Variants in MTMR7 observed in about 807,000 individuals in gnomAD.
The protein encoded by MTMR7 is myotubularin related protein 7, also known as phosphatidylinositol-3-phosphate phosphatase MTMR7.
A neutral mutation model predicts 81.2 loss-of-function variants in MTMR7; 76 were observed. The ratio of observed to expected loss-of-function variants is 0.94; its 90% CI spans 0.78 to 1.13. MTMR7 has a LOEUF of 1.13. Among genes scored for constraint, MTMR7 ranks in the 50% most tolerant of loss-of-function variants. The pLI is 0.00. For synonymous variants in MTMR7, 372 were observed against 289.8 expected (o/e 1.28, Z -2.88); for missense variants, 1,044 against 820.0 (o/e 1.27, Z -3.34).
At chr8:17,400,059 C>A (rs1474136736) in intron 1 of MTMR7, among the ~76,000 whole-genome samples, 1 of 151,980 alleles carries the variant, frequency 6.6e-6, no homozygotes, top group African/African-American at 2.4e-5. Context: ...CAGAGGAATA[C>A]CCTTTAAAAA....
intron 7 of MTMR7, among the ~76,000 whole-genome samples, chr8:17,315,529 G>T (rs1818020368): frequency 6.6e-6 from 1 of 152,202 alleles, no homozygotes; most frequent in African/African-American, 2.4e-5. Context: ...CTCCGTCGGG[G>T]ATGTGAATAA....
chr8:17,360,113 C>A (rs2410519), intron 4 of MTMR7, among the ~76,000 whole-genome samples: 33,956 of 151,940 alleles, frequency 0.22, 4,846 homozygotes, highest in African/African-American at 0.4. Flanking sequence ...CAGTGTTTTA[C>A]AAATATAATT....
chr8:17,319,757 AGGCTCCAGTCT>A (rs948544337), intron 7 of MTMR7, among the ~76,000 whole-genome samples: 59 of 152,302 alleles, frequency 3.9e-4, no homozygotes, highest in African/African-American at 9.4e-4. Flanking sequence ...TGGTGAGACG[AGGCTCCAGTCT>A]GGCTCCAGTC....
intron 7 of MTMR7, among the ~76,000 whole-genome samples, chr8:17,327,983 G>T (rs571216285): frequency 1.2e-4 from 18 of 152,348 alleles, no homozygotes; most frequent in African/African-American, 4.3e-4. Flanking sequence ...CTTATGAAGT[G>T]TGGCAAAGAG....
At chr8:17,378,333 T>C (rs970687441) in intron 1 of MTMR7, among the ~76,000 whole-genome samples, 1 of 152,214 alleles carries the variant, frequency 6.6e-6, no homozygotes, top group Non-Finnish European at 1.5e-5. Flanking sequence ...AGAAACGTTA[T>C]GAAGTCAGAA....
rs558607330 is a variant in MTMR7 at position 17,361,409 on chromosome 8, T to A, written c.311-135A>T. The A allele has an allele frequency of 4.7e-4, 423 of 894,168 alleles. 8 individuals are homozygous for A. In the South Asian group the frequency reaches 6.5e-3, roughly 14 times the overall value. 55.4% of individuals were successfully genotyped at this position (894,168 alleles called of 1,614,324 possible). Reference sequence around the variant, plus strand: ...CCCACCCCCAGCACACTCTTGGGAGTAACCTGTGTGCAGTGGATAGGGTCC... The same window carrying A: ...CCCACCCCCAGCACACTCTTGGGAGAAACCTGTGTGCAGTGGATAGGGTCC... On this transcript the variant is annotated intron_variant, in intron 3 of 13. Transcript: ENST00000180173.
rs530670404 is a variant in MTMR7, at chr8:17,377,565, G to A, written c.25-4325C>T. 3.3e-5 allele frequency among the ~76,000 whole-genome samples: 5 copies of A among 151,618 alleles called. No individual in the cohort carries two copies. In the South Asian group the frequency reaches 1.1e-3, roughly 33 times the overall value. On this transcript the variant is annotated intron_variant, in intron 1 of 13. Coordinates refer to ENST00000180173, the MANE Select transcript of MTMR7 (RefSeq NM_004686.5). ...ATAAATGTTTTAACTTGCTTTGCTT[G>A]GGCATGCCATGTGGTTTTTGTCTGT...
At chr8:17,396,123 T>C (rs1821239410) in intron 1 of MTMR7, among the ~76,000 whole-genome samples, 2 of 64,804 alleles carry the variant, frequency 3.1e-5, no homozygotes, top group Non-Finnish European at 8.3e-5. Flanking sequence ...AACATACGGT[T>C]TATAAAAAAA....
chr8:17,398,490 G>C (rs956134678), intron 1 of MTMR7, among the ~76,000 whole-genome samples: 1 of 151,890 alleles, frequency 6.6e-6, no homozygotes, highest in Admixed American at 6.6e-5. Flanking sequence ...CAAGCTATTT[G>C]AAAACACACA....
At chr8:17,396,993 T>C (rs942281158) in intron 1 of MTMR7, among the ~76,000 whole-genome samples, 5 of 151,806 alleles carry the variant, frequency 3.3e-5, no homozygotes, top group Non-Finnish European at 7.4e-5. Context: ...ACCTGCCGAA[T>C]GGAAGAGAAG....
intron 1 of MTMR7, among the ~76,000 whole-genome samples, chr8:17,387,127 T>C (rs1391651957): frequency 6.6e-6 from 1 of 152,224 alleles, no homozygotes; most frequent in Non-Finnish European, 1.5e-5. Context: ...ATGATAGATA[T>C]CACTGATCAT....
intron 5 of MTMR7, among the ~76,000 whole-genome samples, chr8:17,346,427 A>G (rs1819552656): frequency 6.6e-6 from 1 of 152,048 alleles, no homozygotes; most frequent in South Asian, 2.1e-4. Flanking sequence ...AATATGGGCA[A>G]TGAATACTCT....
intron 1 of MTMR7, among the ~76,000 whole-genome samples, chr8:17,400,265 TA>T (rs1226275673): frequency 3.9e-5 from 6 of 152,214 alleles, no homozygotes; most frequent in African/African-American, 1.4e-4. Context: ...TCACATTTAT[TA>T]AGACGCTTAG....
intron 4 of MTMR7, among the ~76,000 whole-genome samples, chr8:17,352,473 A>T (rs907807682): frequency 6.6e-6 from 1 of 152,234 alleles, no homozygotes; most frequent in Non-Finnish European, 1.5e-5. Context: ...AGACCTAAAC[A>T]TAAGACCCAA....
chr8:17,387,069 G>A (rs544706155), intron 1 of MTMR7, among the ~76,000 whole-genome samples: 11 of 152,112 alleles, frequency 7.2e-5, no homozygotes, highest in East Asian at 1.9e-4. Context: ...CCACCTTACC[G>A]GCTAAACAGG....
At chr8:17,355,229 A>G (rs1819854064) in intron 4 of MTMR7, among the ~76,000 whole-genome samples, 1 of 152,166 alleles carries the variant, frequency 6.6e-6, no homozygotes, top group Non-Finnish European at 1.5e-5. Flanking sequence ...TCTTTACTAA[A>G]CTTGGATTTT....
chr8:17,405,857 CA>C (rs773518887), intron 1 of MTMR7, among the ~76,000 whole-genome samples: 7,525 of 101,248 alleles, frequency 0.074, 268 homozygotes, highest in Non-Finnish European at 0.095. Flanking sequence ...CACACACACA[CA>C]CACACACACA....
chr8:17,367,903 T>C (rs1820281602), intron 3 of MTMR7, among the ~76,000 whole-genome samples: 1 of 151,866 alleles, frequency 6.6e-6, no homozygotes, highest in Admixed American at 6.6e-5. Context: ...AAAGTACTTT[T>C]GATTTTAATA....
intron 4 of MTMR7, among the ~76,000 whole-genome samples, chr8:17,356,467 G>T (rs1422475871): frequency 3.9e-5 from 6 of 152,126 alleles, no homozygotes; most frequent in African/African-American, 1.2e-4. Context: ...GGGAGGCAGA[G>T]GCGGGCAGAT....
Sources: allele counts gnomAD v4.1 joint callset (sites outside exome capture counted in the v4.1 genomes callset), GRCh38; gene constraint gnomAD v4.1.1; transcripts MANE v1.5; gene names NCBI Gene and HGNC (gene_info 2026-07-23, HGNC 2026-07-21).